UBL3: variants seen among roughly 807,000 people sequenced by gnomAD.
The protein encoded by UBL3 is ubiquitin-like protein 3.
In UBL3, 6 loss-of-function variants were observed where a neutral mutation model predicts 18.4. The ratio of observed to expected loss-of-function variants is 0.33; its 90% CI spans 0.18 to 0.64. UBL3 has a LOEUF of 0.64. Ranked by LOEUF, UBL3 falls within the 30% of genes least tolerant of loss-of-function variation. The probability of loss-of-function intolerance (pLI) is 0.76; values close to 1 mark genes in which losing one functional copy is unlikely to be tolerated. For synonymous variants in UBL3, 49 were observed against 46.6 expected (o/e 1.05, Z -0.21); for missense variants, 109 against 142.9 (o/e 0.76, Z 1.21).
At chr13:29,841,201 C>T (rs1407300884) in intron 1 of UBL3, among the ~76,000 whole-genome samples, 1 of 151,892 alleles carries the variant, frequency 6.6e-6, no homozygotes, top group Non-Finnish European at 1.5e-5. Context: ...CAGAAAATTA[C>T]CCAAATATAT....
chr13:29,786,174 T>C lies in UBL3; in HGVS notation c.28-8911A>G, dbSNP rs192218171. Reference sequence around the variant, plus strand: ...CTGAGCCCACAGCACCTAGCTACCATATCACTCTACTAAAGACCAACTGAC... The same window carrying C: ...CTGAGCCCACAGCACCTAGCTACCACATCACTCTACTAAAGACCAACTGAC... On this transcript the variant is annotated intron_variant, in intron 1 of 4. Coordinates refer to ENST00000380680, the MANE Select transcript of UBL3 (RefSeq NM_007106.4). 4.8e-4 allele frequency among the ~76,000 whole-genome samples: 73 copies of C among 152,288 alleles called. 2 individuals are homozygous for C. In the South Asian group the frequency reaches 0.012, roughly 25 times the overall value.
At chr13:29,787,331 A>G (rs762021693) in intron 1 of UBL3, among the ~76,000 whole-genome samples, 22 of 152,196 alleles carry the variant, frequency 1.4e-4, no homozygotes, top group Non-Finnish European at 2.9e-4. Context: ...CATTATATCC[A>G]TCATCAGTTT....
rs1225486959 is a variant in UBL3, at chr13:29,788,876, C to T, written c.28-11613G>A. Among the ~76,000 whole-genome samples, 38 of 59,590 alleles carry T rather than the reference C, an allele frequency of 6.4e-4. No individual in the cohort carries two copies. The East Asian group carries it at 0.021, about 32-fold the overall frequency. 39.1% of individuals were successfully genotyped at this position (59,590 alleles called of 152,430 possible). On this transcript the variant is annotated intron_variant, in intron 1 of 4. Coordinates refer to ENST00000380680, the MANE Select transcript of UBL3 (RefSeq NM_007106.4). Reference sequence around the variant, plus strand: ...GTGTGTGTGTGTGTGTGTGTGCGCGCGCGCGCGCACGCGCACGTGTGTGCG... The same window carrying T: ...GTGTGTGTGTGTGTGTGTGTGCGCGTGCGCGCGCACGCGCACGTGTGTGCG...
At chr13:29,844,355 G>C (rs893245058) in intron 1 of UBL3, among the ~76,000 whole-genome samples, 20 of 152,148 alleles carry the variant, frequency 1.3e-4, no homozygotes, top group African/African-American at 4.8e-4. Context: ...TACTGATCTA[G>C]TGAAGGGGCA....
At chr13:29,814,786 T>C (rs755856816) in intron 1 of UBL3, among the ~76,000 whole-genome samples, 5 of 152,170 alleles carry the variant, frequency 3.3e-5, no homozygotes, top group South Asian at 2.1e-4. Flanking sequence ...AACTGAACAA[T>C]ATATTTTTAC....
intron 1 of UBL3, among the ~76,000 whole-genome samples, chr13:29,831,698 C>A (rs1878777647): frequency 6.7e-6 from 1 of 148,610 alleles, no homozygotes; most frequent in Non-Finnish European, 1.5e-5. Context: ...TGACAGCTTA[C>A]TTAATGATAG....
chr13:29,794,674 T>G (rs1877564995), intron 1 of UBL3, among the ~76,000 whole-genome samples: 1 of 152,262 alleles, frequency 6.6e-6, no homozygotes, highest in Non-Finnish European at 1.5e-5. Flanking sequence ...TATGACTAGG[T>G]AAGTAATCTA....
At chr13:29,773,647 T>C (rs1425202502) in intron 2 of UBL3, among the ~76,000 whole-genome samples, 1 of 152,174 alleles carries the variant, frequency 6.6e-6, no homozygotes. Context: ...AGTGTCATGA[T>C]TTCCACGTAC....
At chr13:29,840,305 T>C (rs1222677474) in intron 1 of UBL3, among the ~76,000 whole-genome samples, 3 of 152,026 alleles carry the variant, frequency 2.0e-5, no homozygotes, top group East Asian at 3.9e-4. Flanking sequence ...GACAAAGAAA[T>C]AGAAAATATG....
chr13:29,810,755 G>A (rs897605875), intron 1 of UBL3, among the ~76,000 whole-genome samples: 3 of 152,112 alleles, frequency 2.0e-5, no homozygotes, highest in African/African-American at 7.2e-5. Flanking sequence ...TATTTGAACT[G>A]ATGTTGTTTA....
chr13:29,809,601 T>C (rs1261445400), intron 1 of UBL3, among the ~76,000 whole-genome samples: 1 of 152,112 alleles, frequency 6.6e-6, no homozygotes, highest in Non-Finnish European at 1.5e-5. Context: ...ATTCTTTCCT[T>C]AGGAACAGAA....
At chr13:29,835,142 ATATATAT>A (rs1878916499) in intron 1 of UBL3, among the ~76,000 whole-genome samples, 1 of 12,322 alleles carries the variant, frequency 8.1e-5, no homozygotes, top group East Asian at 2.6e-3. Flanking sequence ...ATATATATAT[ATATATAT>A]ATATATATAT....
chr13:29,821,122 C>T (rs562349531), intron 1 of UBL3, among the ~76,000 whole-genome samples: 44 of 152,220 alleles, frequency 2.9e-4, no homozygotes, highest in African/African-American at 1.0e-3. Context: ...CCCACCTGGG[C>T]ACTCAATAGA....
chr13:29,791,626 T>C (rs946636173), intron 1 of UBL3, among the ~76,000 whole-genome samples: 8 of 152,076 alleles, frequency 5.3e-5, no homozygotes, highest in African/African-American at 1.9e-4. Flanking sequence ...CTTTGAAGCC[T>C]AAGTGACCAC....
chr13:29,772,219 T>C (rs1876860249), intron 2 of UBL3, 21 bp from the exon 3 acceptor site: 2 of 1,589,190 alleles, frequency 1.3e-6, no homozygotes, highest in East Asian at 4.5e-5. Flanking sequence ...TCCAGTGTAC[T>C]GGTTAGGTAT....
intron 1 of UBL3, among the ~76,000 whole-genome samples, chr13:29,842,134 C>CTTTTTTTTTTTT (rs201006689): frequency 1.6e-5 from 2 of 128,028 alleles, no homozygotes; most frequent in African/African-American, 6.8e-5. Context: ...CATTCTCTTT[C>CTTTTTTTTTTTT]TTTTTTTTTT....
At chr13:29,800,023 T>C (rs1361289103) in intron 1 of UBL3, among the ~76,000 whole-genome samples, 1 of 152,110 alleles carries the variant, frequency 6.6e-6, no homozygotes, top group Non-Finnish European at 1.5e-5. Flanking sequence ...CTAGGATGAC[T>C]AGGGCAGGGA....
intron 1 of UBL3, among the ~76,000 whole-genome samples, chr13:29,786,701 A>G (rs1295670781): frequency 6.6e-6 from 1 of 152,226 alleles, no homozygotes; most frequent in Non-Finnish European, 1.5e-5. Flanking sequence ...AAACTAGGGT[A>G]CATTTAGATA....
chr13:29,794,351 T>TACACAC (rs34035390), intron 1 of UBL3, among the ~76,000 whole-genome samples: 47 of 149,944 alleles, frequency 3.1e-4, no homozygotes, highest in African/African-American at 9.5e-4. Context: ...TTACTAACAC[T>TACACAC]ACACACACAC....
Sources: allele counts gnomAD v4.1 joint callset (sites outside exome capture counted in the v4.1 genomes callset), GRCh38; gene constraint gnomAD v4.1.1; transcripts MANE v1.5; gene names NCBI Gene and HGNC (gene_info 2026-07-23, HGNC 2026-07-21).